FRMD7: variants seen among roughly 807,000 people sequenced by gnomAD.
FRMD7 encodes the protein FERM domain containing 7.
FRMD7 carries 14 observed loss-of-function variants against 44.1 expected under a neutral mutation model. The ratio of observed to expected loss-of-function variants is 0.32; its 90% CI spans 0.21 to 0.50. The LOEUF is 0.50. Ranked by LOEUF, FRMD7 falls within the 20% of genes least tolerant of loss-of-function variation. The pLI, the probability that FRMD7 is intolerant of heterozygous loss-of-function variation, is 0.99. For synonymous variants in FRMD7, 212 were observed against 187.4 expected, an observed-to-expected ratio of 1.13 and a Z score of -1.07; for missense variants, 501 against 522.3, an observed-to-expected ratio of 0.96 and a Z score of 0.40.
intron 8 of FRMD7, among the ~76,000 whole-genome samples, chrX:132,083,972 AG>A (rs1394706996): frequency 9.0e-6 from 1 of 111,705 alleles, no homozygotes; most frequent in Admixed American, 9.5e-5. Context: ...GAATAAAAAA[AG>A]AAGATCATTT....
At chrX:132,117,226 GAGC>G (rs1170068619) in intron 1 of FRMD7, among the ~76,000 whole-genome samples, 1 of 111,824 alleles carries the variant, frequency 8.9e-6, no homozygotes, top group African/African-American at 3.3e-5. Context: ...TGATATTTTG[GAGC>G]AAGTGCCTAG....
In FRMD7 at chrX:132,078,371, A is replaced by T. The variant is rs1308080722; in HGVS notation, c.1646T>A (p.Val549Glu). The T allele has an allele frequency of 8.3e-7, 1 of 1,209,465 alleles. No homozygotes were observed. The highest frequency in any genetic ancestry group is 2.2e-5 in the Admixed American group (1 of 45,771). ...AGTCCTGGCTATAGCTTCTTGGAGT[A>T]CTTGCAGGTCTTGCTGAAAGCTCTT... ...RMKSFQQDLQ[V>E]LQEAIARTSG... Residue 549 changes from valine to glutamate, a missense_variant, in exon 12 of 12, where the codon GTA (valine) becomes GAA (glutamate). Val to Glu is a moderately radical substitution (Grantham distance 121). Transcript: ENST00000298542.
chrX:132,124,157 A>T (rs1929100831), intron 1 of FRMD7, among the ~76,000 whole-genome samples: 1 of 112,196 alleles, frequency 8.9e-6, no homozygotes, highest in African/African-American at 3.2e-5. Flanking sequence ...TATCTCACAA[A>T]GCTTTAACTT....
chrX:132,126,462 T>C (rs568910754), intron 1 of FRMD7, among the ~76,000 whole-genome samples: 13 of 111,772 alleles, frequency 1.2e-4, no homozygotes, highest in Admixed American at 1.1e-3. Context: ...TGGTACTGTG[T>C]TCCTTACCCA....
At chrX:132,101,909 G>C (rs774712786) in intron 1 of FRMD7, among the ~76,000 whole-genome samples, 8 of 111,452 alleles carry the variant, frequency 7.2e-5, no homozygotes, top group Non-Finnish European at 1.5e-4. Flanking sequence ...TTGCAGGGAG[G>C]ACCGTGATGG....
chrX:132,083,787 T>C (rs1927896873), intron 8 of FRMD7, among the ~76,000 whole-genome samples: 1 of 111,607 alleles, frequency 9.0e-6, no homozygotes, highest in Admixed American at 9.5e-5. Flanking sequence ...TAGTGAGACC[T>C]TGTCTCTACA....
intron 1 of FRMD7, among the ~76,000 whole-genome samples, chrX:132,127,482 A>G (rs1929184358): frequency 8.9e-6 from 1 of 112,206 alleles, no homozygotes; most frequent in Non-Finnish European, 1.9e-5. Context: ...TCAATGAACA[A>G]CAATACCTTA....
In FRMD7 at chrX:132,078,718, G is replaced by C. The variant is rs1043935466; in HGVS notation, c.1299C>G (p.Pro433=). 10 of 1,210,804 alleles carry C rather than the reference G, an allele frequency of 8.3e-6. No homozygotes were observed. Among genetic ancestry groups the C allele is most frequent in the Non-Finnish European group, 1.1e-5 (10 of 894,650 alleles). The change falls in exon 12 of 12, where the codon CCC becomes CCG. Residue 433 remains proline, a synonymous_variant. Transcript: ENST00000298542. ...FNTEPNPNPD[P]RDIFSERSSL... ...AACTCCTCTCTGAAAAAATGTCTCT[G>C]GGATCAGGGTTAGGATTGGGCTCAG...
chrX:132,099,887 G>A (rs950207453), intron 2 of FRMD7, among the ~76,000 whole-genome samples: 12 of 111,840 alleles, frequency 1.1e-4, no homozygotes, highest in Admixed American at 3.8e-4. Flanking sequence ...GACATAATGA[G>A]CCTTTCTGGG....
At chrX:132,095,921 G>A (rs755283127) in intron 4 of FRMD7, among the ~76,000 whole-genome samples, 1 of 112,499 alleles carries the variant, frequency 8.9e-6, no homozygotes, top group East Asian at 2.8e-4. Context: ...CATTTGACAC[G>A]TTCCTTGCTG....
intron 3 of FRMD7, among the ~76,000 whole-genome samples, chrX:132,097,714 G>T (rs751071072): frequency 1.8e-5 from 2 of 111,826 alleles, no homozygotes; most frequent in South Asian, 7.4e-4. Context: ...TGAGAGAAGG[G>T]CTCAACTTCA....
chrX:132,103,486 GTCTATCTA>G (rs34605425), intron 1 of FRMD7, among the ~76,000 whole-genome samples: 10,537 of 98,267 alleles, frequency 0.11, 480 homozygotes, highest in Middle Eastern at 0.16. Context: ...GCCTTTAAAT[GTCTATCTA>G]TCTATCTATC....
intron 1 of FRMD7, among the ~76,000 whole-genome samples, chrX:132,126,161 T>C (rs1929152232): frequency 9.0e-6 from 1 of 111,338 alleles, no homozygotes; most frequent in African/African-American, 3.3e-5. Context: ...TATTGGATGA[T>C]TGAATGCTAA....
chrX:132,118,864 C>T (rs961517214), intron 1 of FRMD7, among the ~76,000 whole-genome samples: 2 of 110,712 alleles, frequency 1.8e-5, no homozygotes, highest in Non-Finnish European at 3.8e-5. Context: ...TCCCCCACAG[C>T]CCCCCAACTC....
chrX:132,085,230 G>T lies in FRMD7; in HGVS notation c.645+351C>A, dbSNP rs144219581. 2.7e-5 allele frequency among the ~76,000 whole-genome samples: 3 copies of T among 111,027 alleles called. 1 individual carries two copies. The highest frequency in any genetic ancestry group is 9.8e-5 in the African/African-American group (3 of 30,477). ...CTAAACTCCCTTGGCTTTCCTGGTC[G>T]GTCCAACCAGCTTTGCTTTTTTGCT... On this transcript the variant is annotated intron_variant, in intron 7 of 11. Coordinates refer to ENST00000298542, the MANE Select transcript of FRMD7 (RefSeq NM_194277.3).
intron 8 of FRMD7, 119 bp from the exon 9 acceptor site, chrX:132,082,645 G>T: frequency 1.6e-6 from 1 of 644,739 alleles, no homozygotes; most frequent in Non-Finnish European, 2.5e-6. Context: ...TTTCCACTTG[G>T]CTCCCTGTAG....
chrX:132,112,223 C>G (rs1928794575), intron 1 of FRMD7, among the ~76,000 whole-genome samples: 1 of 111,642 alleles, frequency 9.0e-6, no homozygotes, highest in Admixed American at 9.6e-5. Flanking sequence ...AAACTGTAAC[C>G]CTTCCTGGGG....
rs1929196577 is a variant in FRMD7 at position 132,127,939 on chromosome X, C to T, written c.-95G>A. 1.4e-6 allele frequency: 1 copy of T among 713,331 alleles called. No individual in the cohort carries two copies. Among genetic ancestry groups the T allele is most frequent in the South Asian group, 2.1e-5 (1 of 46,660 alleles). 58.8% of individuals were successfully genotyped at this position (713,331 alleles called of 1,213,427 possible). A position where few individuals can be genotyped will look rare whatever the true frequency, so the allele number is the denominator to read the frequency against. On this transcript the variant is annotated 5_prime_UTR_variant, in exon 1 of 12. Transcript: ENST00000298542. ...CCAGCTGGATGTGGTGCACTCGGGCCCCCCCACCCCCAGCCAGGCATTCCC... is the reference window on the plus strand; with the variant it reads ...CCAGCTGGATGTGGTGCACTCGGGCTCCCCCACCCCCAGCCAGGCATTCCC...
chrX:132,096,703 C>G (rs1928347238), intron 4 of FRMD7, among the ~76,000 whole-genome samples: 1 of 80,575 alleles, frequency 1.2e-5, no homozygotes, highest in African/African-American at 5.0e-5. Flanking sequence ...TGAGGCAGAG[C>G]AAGACCCTGT....
Sources: allele counts gnomAD v4.1 joint callset (sites outside exome capture counted in the v4.1 genomes callset), GRCh38; gene constraint gnomAD v4.1.1; transcripts MANE v1.5; gene names NCBI Gene and HGNC (gene_info 2026-07-23, HGNC 2026-07-21).